CEP85L: variants seen among roughly 807,000 people sequenced by gnomAD.
The protein encoded by CEP85L is centrosomal protein 85L.
A neutral mutation model predicts 100.3 loss-of-function variants in CEP85L; 60 were observed. The observed-to-expected ratio is 0.60, with a 90% CI of 0.49 to 0.74. The LOEUF (loss-of-function observed/expected upper bound fraction) is 0.74, where lower values mean the gene tolerates loss of function less well. CEP85L is among the 30% of genes least tolerant of loss of function. CEP85L has a pLI of 0.00. For missense variants in CEP85L, 973 were observed against 936.2 expected (o/e 1.04, Z -0.51); for synonymous variants, 319 against 322.7 (o/e 0.99, Z 0.12).
Position 118,523,806 on chromosome 6 carries a change from C to T in CEP85L, c.1135G>A (p.Asp379Asn), listed in dbSNP as rs1017418937. 4 of 1,448,280 alleles carry T rather than the reference C, an allele frequency of 2.8e-6. No homozygotes were observed. The highest frequency in any genetic ancestry group is 9.7e-7 in the Non-Finnish European group (1 of 1,033,934). 89.7% of individuals were successfully genotyped at this position (1,448,280 alleles called of 1,614,324 possible). The change falls in exon 4 of 13, where the codon GAT becomes AAT. Residue 379 changes from aspartate (D) to asparagine (N), a missense_variant. Asp to Asn is a conservative substitution (Grantham distance 23, BLOSUM62 1). This residue lies in a region of CEP85L where 890 missense variants were observed against 844.5 expected (regional missense o/e 1.05). Transcript: ENST00000368491. ...AATAATTTAAAATAGACTCACCGATCGATTACAATTTCTTTCTGCCTTAGA... is the reference window on the plus strand; with the variant it reads ...AATAATTTAAAATAGACTCACCGATTGATTACAATTTCTTTCTGCCTTAGA... ...GLLRQKEIVI[D>N]RQKQQITHLH...
chr6:118,575,748 T>C (rs1486976801), intron 2 of CEP85L, among the ~76,000 whole-genome samples: 1 of 152,124 alleles, frequency 6.6e-6, no homozygotes, highest in East Asian at 1.9e-4. Context: ...TTAGAGTCTA[T>C]GGGTACATAG....
chr6:118,564,508 G>A (rs1413768196), intron 3 of CEP85L, among the ~76,000 whole-genome samples: 3 of 152,056 alleles, frequency 2.0e-5, no homozygotes, highest in African/African-American at 7.2e-5. Flanking sequence ...AAAATTATAA[G>A]AACTGTATCT....
rs924761322 is a variant in CEP85L at position 118,493,237 on chromosome 6, A to T, written c.1258-1372T>A. On this transcript the variant is annotated intron_variant, in intron 5 of 12. Coordinates refer to ENST00000368491, the MANE Select transcript of CEP85L (RefSeq NM_001042475.3). ...AAAGAACATTTTTAAAAAGGTTAAA[A>T]AGTAGATACAGAGAGTTATCATGTC... is the stretch of plus-strand genomic sequence containing the variant. 4.6e-5 allele frequency among the ~76,000 whole-genome samples: 7 copies of T among 152,222 alleles called. No individual in the cohort carries two copies. The East Asian group carries it at 1.3e-3, about 29-fold the overall frequency.
chr6:118,534,269 T>C (rs1169919278), intron 3 of CEP85L, among the ~76,000 whole-genome samples: 2 of 152,142 alleles, frequency 1.3e-5, no homozygotes, highest in East Asian at 3.8e-4. Flanking sequence ...TAAAAATGTA[T>C]TATCATTTAC....
chr6:118,562,652 T>C (rs1779292675), intron 3 of CEP85L, among the ~76,000 whole-genome samples: 1 of 152,118 alleles, frequency 6.6e-6, no homozygotes, highest in Admixed American at 6.5e-5. Context: ...TGAGCTACCA[T>C]GCTTGGTCCA....
intron 1 of CEP85L, among the ~76,000 whole-genome samples, chr6:118,709,684 A>G (rs1777723717): frequency 6.6e-6 from 1 of 152,124 alleles, no homozygotes; most frequent in South Asian, 2.1e-4. Context: ...GAGTACGCAG[A>G]GTTCACAGTA....
chr6:118,632,523 G>C lies in CEP85L; in HGVS notation c.162C>G (p.Ile54Met), dbSNP rs1281381247. Residue 54 changes from isoleucine (I) to methionine (M), a missense_variant, in exon 2 of 13, where the codon ATC becomes ATG. Physicochemically the swap from Ile to Met is conservative, Grantham distance 10. Transcript: ENST00000368491. ...TGTCAGAAGCTATACTGTGTCTCCT[G>C]ATATGGTTATTTCGATGGTTAGATG... Reference protein sequence around the residue: ...TVPSNHRNNHIRRHSIASDSG... With the variant: ...TVPSNHRNNHMRRHSIASDSG... 2 of 1,613,072 alleles carry C rather than the reference G, an allele frequency of 1.2e-6. No individual in the cohort carries two copies. Among genetic ancestry groups the C allele is most frequent in the Non-Finnish European group, 1.7e-6 (2 of 1,179,602 alleles).
chr6:118,498,748 C>A (rs918269693), intron 5 of CEP85L, among the ~76,000 whole-genome samples: 4 of 152,124 alleles, frequency 2.6e-5, no homozygotes, highest in African/African-American at 7.2e-5. Context: ...TTTATCTCAA[C>A]AGCCCCATCA....
At chr6:118,640,111 G>C (rs925691890) in intron 1 of CEP85L, among the ~76,000 whole-genome samples, 1 of 151,944 alleles carries the variant, frequency 6.6e-6, no homozygotes, top group South Asian at 2.1e-4. Context: ...CAAAAAATTA[G>C]AACATTAAAC....
At position 118,538,047 on chromosome 6, in the gene CEP85L, T is replaced by C. The variant is rs78398083; in HGVS notation, c.1021-14127A>G. On this transcript the variant is annotated intron_variant, in intron 3 of 12. Coordinates refer to ENST00000368491, the MANE Select transcript of CEP85L (RefSeq NM_001042475.3). ...TTTATTCACCAAGAGAAGGAAAATATGAATTATGTTATTACTAAAAGAACT... is the reference window on the plus strand; with the variant it reads ...TTTATTCACCAAGAGAAGGAAAATACGAATTATGTTATTACTAAAAGAACT... The C allele has an allele frequency of 5.9e-5, 31 of 527,112 alleles. 1 individual carries two copies. The highest frequency in any genetic ancestry group is 5.4e-4 in the African/African-American group (26 of 48,598). The allele number at this position is 527,112 out of a possible 1,614,324, so 32.7% of individuals were successfully genotyped here.
In CEP85L at chr6:118,461,415, A is replaced by G. The variant is rs1331552756; in HGVS notation, c.*3990T>C. ...AAAAAACGGCTCCTTGCTTTAAAAA[A>G]AAAAATTCCTTAATCAAGTTTATAT... is the stretch of plus-strand genomic sequence containing the variant. On this transcript the variant is annotated 3_prime_UTR_variant, in exon 13 of 13. Transcript: ENST00000368491. 3 of 152,086 alleles carry G rather than the reference A, an allele frequency of 2.0e-5. No individual in the cohort carries two copies. The highest frequency in any genetic ancestry group is 6.6e-5 in the Admixed American group (1 of 15,244). The allele number at this position is 152,086 out of a possible 1,614,324, so 9.4% of individuals were successfully genotyped here. A position where few individuals can be genotyped will look rare whatever the true frequency, so the allele number is the denominator to read the frequency against.
At chr6:118,626,853 G>C (rs1311978257) in intron 2 of CEP85L, among the ~76,000 whole-genome samples, 1 of 152,184 alleles carries the variant, frequency 6.6e-6, no homozygotes, top group Non-Finnish European at 1.5e-5. Flanking sequence ...TGCAAACAAT[G>C]TATCAAACAG....
chr6:118,655,338 G>C (rs1202730517), upstream of CEP85L, among the ~76,000 whole-genome samples: 2 of 152,160 alleles, frequency 1.3e-5, no homozygotes, highest in Non-Finnish European at 2.9e-5. Flanking sequence ...ATAGGAAGTG[G>C]GTGTGGGAGG....
At chr6:118,520,289 T>G (rs1484584195) in intron 4 of CEP85L, among the ~76,000 whole-genome samples, 1 of 152,232 alleles carries the variant, frequency 6.6e-6, no homozygotes, top group Non-Finnish European at 1.5e-5. Flanking sequence ...ACATGATCGT[T>G]TATGTAAACA....
At chr6:118,512,329 G>A (rs889265281) in intron 4 of CEP85L, among the ~76,000 whole-genome samples, 3 of 151,946 alleles carry the variant, frequency 2.0e-5, no homozygotes, top group Non-Finnish European at 4.4e-5. Flanking sequence ...ACAGGCATGA[G>A]GAAGCTACCG....
At chr6:118,694,040 A>G (rs974562419) in intron 1 of CEP85L, among the ~76,000 whole-genome samples, 7 of 152,160 alleles carry the variant, frequency 4.6e-5, no homozygotes, top group South Asian at 2.1e-4. Flanking sequence ...GAAGGAGGGG[A>G]AAAAAACCCA....
intron 2 of CEP85L, among the ~76,000 whole-genome samples, chr6:118,570,681 T>C (rs1779836898): frequency 6.6e-6 from 1 of 152,112 alleles, no homozygotes; most frequent in Admixed American, 6.5e-5. Context: ...CCAGTAAGAG[T>C]AGAGAAGGGC....
In CEP85L at chr6:118,621,027, C is replaced by T. The variant is rs867177559; in HGVS notation, c.232+11426G>A. The stretch of plus-strand genomic sequence containing the variant: ...AAGTCTGGGCAATGGAAGGACAATT[C>T]GGTAGGGCAAAAAATGCCTGTCCAG... On this transcript the variant is annotated intron_variant, in intron 2 of 12. Coordinates refer to ENST00000368491, the MANE Select transcript of CEP85L (RefSeq NM_001042475.3). Among the ~76,000 whole-genome samples, 13 of 152,182 alleles carry T rather than the reference C, an allele frequency of 8.5e-5. No individual in the cohort carries two copies. The Middle Eastern group carries it at 0.014, about 159-fold the overall frequency.
intron 3 of CEP85L, among the ~76,000 whole-genome samples, chr6:118,531,866 C>T (rs144875074): frequency 2.6e-5 from 4 of 152,010 alleles, no homozygotes; most frequent in Non-Finnish European, 5.9e-5. Flanking sequence ...CAGAGGTTGG[C>T]GAGGTTGCAG....
Sources: gnomAD v4.1 joint callset for allele counts (sites outside exome capture counted in the v4.1 genomes callset) on GRCh38, gnomAD v4.1.1 for gene constraint, gnomAD v4.1.1 regional missense constraint, MANE v1.5 for transcripts, NCBI Gene and HGNC (gene_info 2026-07-23, HGNC 2026-07-21) for gene names.